Variants in CNTN4 observed in about 807,000 individuals in gnomAD.
CNTN4 encodes contactin-4.
In CNTN4, 77 loss-of-function variants were observed where a neutral mutation model predicts 122.5. That is an observed-to-expected ratio of 0.63 (90% confidence interval 0.52 to 0.76). CNTN4 has a LOEUF of 0.76. Ranked by LOEUF, CNTN4 falls within the 30% of genes least tolerant of loss-of-function variation. The pLI, the probability that CNTN4 is intolerant of heterozygous loss-of-function variation, is 0.00. For synonymous variants in CNTN4, 512 were observed against 447.0 expected, an observed-to-expected ratio of 1.15 and a Z score of -1.83; for missense variants, 1,256 against 1,259.1, an observed-to-expected ratio of 1.00 and a Z score of 0.04.
intron 3 of CNTN4, among the ~76,000 whole-genome samples, chr3:2,367,497 T>G (rs2045438642): frequency 6.6e-6 from 1 of 152,144 alleles, no homozygotes; most frequent in South Asian, 2.1e-4. Flanking sequence ...GATGGAAAAA[T>G]GTCACTTGGC....
chr3:2,727,307 G>T (rs1314838261), intron 4 of CNTN4, among the ~76,000 whole-genome samples: 1 of 152,210 alleles, frequency 6.6e-6, no homozygotes, highest in Non-Finnish European at 1.5e-5. Flanking sequence ...TAATTCTGCA[G>T]CAAAGCATAT....
rs115150477 is a variant in CNTN4 at position 2,614,915 on chromosome 3, G to A, written c.55+43357G>A. Among the ~76,000 whole-genome samples, 553 of 152,224 alleles carry A rather than the reference G, an allele frequency of 3.6e-3. 1 individual carries two copies. Among genetic ancestry groups the A allele is most frequent in the African/African-American group, 0.013 (532 of 41,536 alleles). ...AATTAATTCCACAGAGCCTTCTAAA[G>A]TATAATTTGGAGAACTGAAAATTGA... On this transcript the variant is annotated intron_variant, in intron 4 of 24. Transcript: ENST00000418658.
Position 2,701,226 on chromosome 3 carries a change from G to C in CNTN4, c.56-34989G>C, listed in dbSNP as rs146257313. ...TGCCCCACTTAGCATCTGTAGAGTG[G>C]ACATAGGCAGGAAGAGCCCACTCTA... On this transcript the variant is annotated intron_variant, in intron 4 of 24. Transcript: ENST00000418658. Among the ~76,000 whole-genome samples, 140 of 152,220 alleles carry C rather than the reference G, an allele frequency of 9.2e-4. 2 individuals are homozygous for C. Among genetic ancestry groups the C allele is most frequent in the African/African-American group, 3.2e-3 (134 of 41,542 alleles).
At chr3:2,232,354 G>A (rs973568770) in intron 2 of CNTN4, among the ~76,000 whole-genome samples, 4 of 152,148 alleles carry the variant, frequency 2.6e-5, no homozygotes, top group Non-Finnish European at 5.9e-5. Flanking sequence ...CAAAGCTTAA[G>A]ATCTTTTCCA....
At chr3:2,854,265 C>CTT (rs2093592983) in intron 7 of CNTN4, among the ~76,000 whole-genome samples, 4 of 81,770 alleles carry the variant, frequency 4.9e-5, no homozygotes, top group East Asian at 3.1e-4. Context: ...TTTCTTTCTT[C>CTT]TTCTTTTTTT....
chr3:2,799,695 G>T (rs945620284), intron 6 of CNTN4, among the ~76,000 whole-genome samples: 2 of 151,926 alleles, frequency 1.3e-5, no homozygotes, highest in African/African-American at 4.8e-5. Context: ...AACTCCTATA[G>T]TTTCAGGTCA....
At chr3:2,697,695 G>T (rs759096966) in intron 4 of CNTN4, among the ~76,000 whole-genome samples, 1 of 152,048 alleles carries the variant, frequency 6.6e-6, no homozygotes, top group Non-Finnish European at 1.5e-5. Context: ...AGAAGCAACC[G>T]ATACGATGCA....
At chr3:2,205,841 A>G (rs986988252) in intron 2 of CNTN4, among the ~76,000 whole-genome samples, 2 of 152,128 alleles carry the variant, frequency 1.3e-5, no homozygotes, top group African/African-American at 4.8e-5. Flanking sequence ...AACTTCTGTA[A>G]TGAGTGGATA....
intron 4 of CNTN4, among the ~76,000 whole-genome samples, chr3:2,630,204 G>C (rs4684350): frequency 0.026 from 4,012 of 152,300 alleles, 118 homozygotes; most frequent in Admixed American, 0.1. Flanking sequence ...GGAGGCCAAG[G>C]CTGGCGGATC....
intron 2 of CNTN4, among the ~76,000 whole-genome samples, chr3:2,316,204 T>A (rs2043092366): frequency 6.6e-6 from 1 of 152,072 alleles, no homozygotes; most frequent in Non-Finnish European, 1.5e-5. Flanking sequence ...GAATATTTGG[T>A]GGATTGTTAA....
chr3:2,961,231 C>CAA (rs59790353), intron 13 of CNTN4, among the ~76,000 whole-genome samples: 1,227 of 37,192 alleles, frequency 0.033, 89 homozygotes, highest in African/African-American at 0.11. Flanking sequence ...CTCCATCTCA[C>CAA]AAAAAAAAAA....
intron 4 of CNTN4, among the ~76,000 whole-genome samples, chr3:2,583,074 C>T (rs917957074): frequency 5.3e-5 from 8 of 152,108 alleles, no homozygotes; most frequent in Admixed American, 3.9e-4. Context: ...TTTCCACATG[C>T]GTGACATCTA....
chr3:2,243,516 G>A (rs975210492), intron 2 of CNTN4, among the ~76,000 whole-genome samples: 2 of 148,142 alleles, frequency 1.4e-5, no homozygotes, highest in East Asian at 3.9e-4. Context: ...ATTGTTTTGT[G>A]ATTTTTTTTT....
chr3:2,251,831 G>A (rs1179158470), intron 2 of CNTN4, among the ~76,000 whole-genome samples: 1 of 151,496 alleles, frequency 6.6e-6, no homozygotes, highest in Non-Finnish European at 1.5e-5. Context: ...TTTTATTGAA[G>A]CCACATCATG....
chr3:2,167,965 CCA>C (rs1305029826), intron 2 of CNTN4, among the ~76,000 whole-genome samples: 3 of 152,110 alleles, frequency 2.0e-5, no homozygotes, highest in Non-Finnish European at 4.4e-5. Flanking sequence ...TAGGAAGACT[CCA>C]TCTCTACAAA....
chr3:2,704,419 T>C (rs1173684234), intron 4 of CNTN4, among the ~76,000 whole-genome samples: 1 of 151,036 alleles, frequency 6.6e-6, no homozygotes, highest in Non-Finnish European at 1.5e-5. Context: ...GAAAGTACGA[T>C]ATGGCTCTAA....
intron 13 of CNTN4, among the ~76,000 whole-genome samples, chr3:2,950,822 C>T (rs1432284945): frequency 6.6e-6 from 1 of 152,230 alleles, no homozygotes; most frequent in Non-Finnish European, 1.5e-5. Flanking sequence ...ATCCTTATAA[C>T]ATCTGAAGTT....
intron 3 of CNTN4, among the ~76,000 whole-genome samples, chr3:2,451,158 C>T (rs2048815637): frequency 6.6e-6 from 1 of 152,012 alleles, no homozygotes; most frequent in Non-Finnish European, 1.5e-5. Flanking sequence ...AGAAATATTC[C>T]TAAGTAAGGA....
At chr3:2,413,454 C>A (rs953839017) in intron 3 of CNTN4, among the ~76,000 whole-genome samples, 1 of 152,106 alleles carries the variant, frequency 6.6e-6, no homozygotes, top group Non-Finnish European at 1.5e-5. Context: ...ATTTGTTGGA[C>A]ATCTAGGTGT....
Sources: allele counts gnomAD v4.1 joint callset (sites outside exome capture counted in the v4.1 genomes callset), GRCh38; gene constraint gnomAD v4.1.1; transcripts MANE v1.5; gene names NCBI Gene and HGNC (gene_info 2026-07-23, HGNC 2026-07-21).